DGKB: variants seen among roughly 807,000 people sequenced by gnomAD.
DGKB encodes 90 kDa diacylglycerol kinase.
Under a neutral mutation model 114.3 loss-of-function variants are expected in DGKB, and 67 were observed. The ratio of observed to expected loss-of-function variants is 0.59; its 90% CI spans 0.48 to 0.72. DGKB has a LOEUF of 0.72. Ranked by LOEUF, DGKB falls within the 30% of genes least tolerant of loss-of-function variation. The pLI is 0.00. For synonymous variants in DGKB, 398 were observed against 323.1 expected (o/e 1.23, Z -2.49); for missense variants, 907 against 975.2 (o/e 0.93, Z 0.93).
intron 14 of DGKB, 114 bp from the exon 15 acceptor site, chr7:14,621,608 C>T (rs1351100550): frequency 1.3e-5 from 8 of 639,694 alleles, no homozygotes; most frequent in Non-Finnish European, 1.8e-5. Flanking sequence ...GCTCAACTTT[C>T]TAATTTGAAG....
intron 21 of DGKB, among the ~76,000 whole-genome samples, chr7:14,392,974 A>G (rs866131888): frequency 1.1e-4 from 11 of 96,234 alleles, no homozygotes; most frequent in Non-Finnish European, 1.9e-4. Context: ...GAGGGCCAAA[A>G]CAGACCTGTT....
At chr7:14,564,279 G>C (rs1292729416) in intron 20 of DGKB, among the ~76,000 whole-genome samples, 1 of 152,130 alleles carries the variant, frequency 6.6e-6, no homozygotes, top group Non-Finnish European at 1.5e-5. Context: ...TGGAAAAGTG[G>C]AAGTGCTGGA....
chr7:14,223,216 T>C (rs1790272306), intron 23 of DGKB, among the ~76,000 whole-genome samples: 2 of 151,674 alleles, frequency 1.3e-5, no homozygotes, highest in East Asian at 1.9e-4. Context: ...TGTAAATCTA[T>C]TGCTTTCTTT....
At chr7:14,528,539 A>T (rs1791016495) in intron 20 of DGKB, among the ~76,000 whole-genome samples, 1 of 152,124 alleles carries the variant, frequency 6.6e-6, no homozygotes. Flanking sequence ...TAGTCATTGA[A>T]CTACATAGTA....
intron 16 of DGKB, among the ~76,000 whole-genome samples, chr7:14,613,016 C>T (rs2128796106): frequency 6.6e-6 from 1 of 152,132 alleles, no homozygotes; most frequent in East Asian, 1.9e-4. Context: ...TATGTGGATT[C>T]ATCTTGTTAA....
At chr7:14,468,198 T>C (rs1272110204) in intron 21 of DGKB, among the ~76,000 whole-genome samples, 1 of 152,162 alleles carries the variant, frequency 6.6e-6, no homozygotes, top group Non-Finnish European at 1.5e-5. Flanking sequence ...TACAGATCTA[T>C]CGGCTATCTA....
At chr7:14,412,172 T>C (rs1207655797) in intron 21 of DGKB, among the ~76,000 whole-genome samples, 2 of 152,184 alleles carry the variant, frequency 1.3e-5, no homozygotes, top group Admixed American at 6.5e-5. Context: ...AACATTCACC[T>C]ATTCAGAAAA....
intron 23 of DGKB, among the ~76,000 whole-genome samples, chr7:14,280,584 G>A (rs1332107296): frequency 6.6e-6 from 1 of 150,462 alleles, no homozygotes; most frequent in Non-Finnish European, 1.5e-5. Flanking sequence ...TGAAATGAAG[G>A]AAAAAATGTT....
In DGKB at chr7:14,969,829, G is replaced by A. The variant is rs535029054; in HGVS notation, c.-188+4867C>T. Among the ~76,000 whole-genome samples, 4 of 152,216 alleles carry A rather than the reference G, an allele frequency of 2.6e-5. No individual in the cohort carries two copies. The East Asian group carries it at 5.8e-4, about 22-fold the overall frequency. ...AAACTGTATAACACATTACTAAACT[G>A]AATGCTGTAGGCAATTATAACACAA... On this transcript the variant is annotated intron_variant, in intron 1 of 4. Coordinates refer to the DGKB transcript ENST00000437998.
At chr7:14,962,231 G>A (rs1786888533) in intron 1 of DGKB, among the ~76,000 whole-genome samples, 2 of 152,082 alleles carry the variant, frequency 1.3e-5, no homozygotes, top group Non-Finnish European at 2.9e-5. Context: ...CATATTCTGA[G>A]TACCATTTCT....
chr7:14,744,364 A>G (rs971800611), intron 4 of DGKB, among the ~76,000 whole-genome samples: 1 of 152,188 alleles, frequency 6.6e-6, no homozygotes, highest in Non-Finnish European at 1.5e-5. Flanking sequence ...CTTTTAAGGA[A>G]TCAAGCTTGA....
chr7:14,635,615 T>A (rs183862964), intron 13 of DGKB, among the ~76,000 whole-genome samples: 64 of 151,736 alleles, frequency 4.2e-4, no homozygotes, highest in African/African-American at 1.5e-3. Flanking sequence ...CTATTGACTA[T>A]TTTTTCAGAT....
intron 23 of DGKB, among the ~76,000 whole-genome samples, chr7:14,244,430 G>A (rs1794141338): frequency 6.6e-6 from 1 of 151,986 alleles, no homozygotes; most frequent in Non-Finnish European, 1.5e-5. Flanking sequence ...GCTGAGGTGG[G>A]CGGATCACAA....
chr7:14,851,839 T>G (rs1849393137), intron 1 of DGKB, among the ~76,000 whole-genome samples: 1 of 152,146 alleles, frequency 6.6e-6, no homozygotes, highest in South Asian at 2.1e-4. Flanking sequence ...CCAGATGAAG[T>G]CACAGTCAGC....
intron 2 of DGKB, among the ~76,000 whole-genome samples, chr7:14,819,613 A>G (rs1844632186): frequency 6.6e-6 from 1 of 152,080 alleles, no homozygotes; most frequent in Non-Finnish European, 1.5e-5. Flanking sequence ...TAAAATAATA[A>G]TAATAATTGC....
rs1185287795 is a variant in DGKB, at chr7:14,575,572, G to C, written c.1610-1200C>G. ...TCTTGTGAAGATTAAGCAAGATAATGCCTAAAAAGTTCTCAGTACATGAGT... is the reference window on the plus strand; with the variant it reads ...TCTTGTGAAGATTAAGCAAGATAATCCCTAAAAAGTTCTCAGTACATGAGT... On this transcript the variant is annotated intron_variant, in intron 19 of 25. Transcript: ENST00000402815. Among the ~76,000 whole-genome samples, 3 of 152,092 alleles carry C rather than the reference G, an allele frequency of 2.0e-5. No homozygotes were observed. In the South Asian group the frequency reaches 6.2e-4, roughly 31 times the overall value.
intron 2 of DGKB, among the ~76,000 whole-genome samples, chr7:14,765,871 A>G (rs1836374580): frequency 6.6e-6 from 1 of 151,928 alleles, no homozygotes; most frequent in South Asian, 2.1e-4. Context: ...AATGTTTAAC[A>G]ACTCTTTGGG....
At chr7:14,570,928 C>A (rs79596899) in intron 20 of DGKB, among the ~76,000 whole-genome samples, 58 of 152,264 alleles carry the variant, frequency 3.8e-4, no homozygotes, top group African/African-American at 1.4e-3. Flanking sequence ...AACCTCGACA[C>A]TATTGACATT....
chr7:14,204,927 C>A (rs1299504209), intron 23 of DGKB, among the ~76,000 whole-genome samples: 1 of 151,968 alleles, frequency 6.6e-6, no homozygotes, highest in Non-Finnish European at 1.5e-5. Context: ...CTTGTATAAG[C>A]TTTCATTGTG....
Sources: allele counts gnomAD v4.1 joint callset (sites outside exome capture counted in the v4.1 genomes callset), GRCh38; gene constraint gnomAD v4.1.1; transcripts MANE v1.5; gene names NCBI Gene and HGNC (gene_info 2026-07-23, HGNC 2026-07-21).